Variants in PLEKHG4 observed in about 807,000 individuals in gnomAD.
PLEKHG4 encodes the protein pleckstrin homology and RhoGEF domain containing G4, also known as puratrophin-1.
PLEKHG4 carries 85 observed loss-of-function variants against 136.9 expected under a neutral mutation model. The ratio of observed to expected loss-of-function variants is 0.62; its 90% CI spans 0.52 to 0.74. The LOEUF (loss-of-function observed/expected upper bound fraction) is 0.74, where lower values mean the gene tolerates loss of function less well. Ranked by LOEUF, PLEKHG4 falls within the 30% of genes least tolerant of loss-of-function variation. The pLI, the probability that PLEKHG4 is intolerant of heterozygous loss-of-function variation, is 0.00. For missense variants in PLEKHG4, 1,317 were observed against 1,527.8 expected, an observed-to-expected ratio of 0.86 and a Z score of 2.30; for synonymous variants, 577 against 646.9, an observed-to-expected ratio of 0.89 and a Z score of 1.64.
rs769739372 is a variant in PLEKHG4, at chr16:67,280,700, C to G, written c.500-11C>G. On this transcript the variant is annotated splice_polypyrimidine_tract_variant and intron_variant, in intron 2 of 21. Coordinates refer to ENST00000379344, the MANE Select transcript of PLEKHG4 (RefSeq NM_001129729.3). The surrounding 1 kb of genome is among the most constrained non-coding windows in gnomAD (Gnocchi z 4.4). ...GGTCCAAGGCAGACCCAAGTCATTT[C>G]CCTTCCCAAGCCCCCAGTGGATCCG... 1 of 1,614,080 alleles carries G rather than the reference C, an allele frequency of 6.2e-7. No homozygotes were observed. The highest frequency in any genetic ancestry group is 8.5e-7 in the Non-Finnish European group (1 of 1,180,014).
upstream of PLEKHG4, chr16:67,279,364 G>A (rs2036100520): frequency 6.6e-6 from 1 of 152,104 alleles, no homozygotes; most frequent in Non-Finnish European, 1.5e-5. Flanking sequence ...GCGGCGGGCG[G>A]GGGTTGCTGC....
chr16:67,285,986 G>A (rs1307404487), intron 14 of PLEKHG4, among the ~76,000 whole-genome samples: 1 of 152,210 alleles, frequency 6.6e-6, no homozygotes, highest in African/African-American at 2.4e-5. Context: ...GACAGTCCCA[G>A]GTGAGGTGAG....
At chr16:67,279,421 A>C (rs983179040), upstream of PLEKHG4, 4 of 151,712 alleles carry the variant, frequency 2.6e-5, no homozygotes, top group African/African-American at 9.7e-5. Context: ...TGCCCCGTCG[A>C]GACCTGCTCG....
chr16:67,283,675 C>G (rs955940016), intron 11 of PLEKHG4, among the ~76,000 whole-genome samples: 2 of 151,998 alleles, frequency 1.3e-5, no homozygotes, highest in Non-Finnish European at 2.9e-5. Context: ...GAAGGGCATT[C>G]AAGAGTCCGG....
At position 67,288,271 on chromosome 16, in the gene PLEKHG4, C is replaced by T. The variant is rs781274828; in HGVS notation, c.3325C>T (p.Leu1109=). ...TGGAGACCCTGCCTCTTGCTCTGTTCTGGGGTCCCTCAACCTGCACCTGTA... is the reference window on the plus strand; with the variant it reads ...TGGAGACCCTGCCTCTTGCTCTGTTTTGGGGTCCCTCAACCTGCACCTGTA... The part of the protein sequence containing the change: ...LPGDPASCSV[L]GSLNLHLYRD... The change falls in exon 20 of 22, where the codon CTG becomes TTG. Residue 1109 remains leucine, a synonymous_variant. Transcript: ENST00000379344. 39 of 1,613,426 alleles carry T rather than the reference C, an allele frequency of 2.4e-5. No homozygotes were observed. The highest frequency in any genetic ancestry group is 3.3e-5 in the Non-Finnish European group (39 of 1,179,974).
intron 5 of PLEKHG4, among the ~76,000 whole-genome samples, 159 bp downstream of exon 5, chr16:67,281,343 C>T (rs2036216435): frequency 6.6e-6 from 1 of 151,990 alleles, no homozygotes; most frequent in Admixed American, 6.6e-5. Context: ...CCTGCCTCAG[C>T]CTCCCAATTA....
chr16:67,285,278 C>CAT lies in PLEKHG4; in HGVS notation c.2196-10_2196-9dup, dbSNP rs777897074. On this transcript the variant is annotated splice_polypyrimidine_tract_variant and intron_variant, in intron 13 of 21. Coordinates refer to ENST00000379344, the MANE Select transcript of PLEKHG4 (RefSeq NM_001129729.3). Reference sequence around the variant, plus strand: ...AGAGATGTCTTGGGTCCTGACTCCCCATACCTGGTAGGCTACAGCTGGTGC... The same window carrying CAT: ...AGAGATGTCTTGGGTCCTGACTCCCCATATACCTGGTAGGCTACAGCTGGTGC... 6.2e-7 allele frequency: 1 copy of CAT among 1,613,904 alleles called. No individual in the cohort carries two copies. Among genetic ancestry groups the CAT allele is most frequent in the South Asian group, 1.1e-5 (1 of 91,088 alleles).
Position 67,280,364 on chromosome 16 carries a change from G to A in PLEKHG4, c.320G>A (p.Cys107Tyr), listed in dbSNP as rs2036155418. Residue 107 changes from cysteine to tyrosine, a missense_variant, in exon 2 of 22, where the codon TGC (cysteine) becomes TAC (tyrosine). Transcript: ENST00000379344. This position sits in a 1 kb window ranked among gnomAD's most constrained non-coding sequence, Gnocchi z 4.4. ...PGPSGVESLL[C>Y]PMSSHLSLAQ... The stretch of plus-strand genomic sequence containing the variant: ...CCCTCTGGAGTGGAGAGTCTCCTAT[G>A]CCCCATGTCCTCCCACCTCAGCTTG... 4 of 1,613,154 alleles carry A rather than the reference G, an allele frequency of 2.5e-6. No homozygotes were observed. The highest frequency in any genetic ancestry group is 3.4e-6 in the Non-Finnish European group (4 of 1,179,700).
At position 67,288,784 on chromosome 16, in the gene PLEKHG4, G is replaced by A. The variant is rs371004225; in HGVS notation, c.3571-19G>A. ...CAGAGTCAGGGAAGCAGGCATTCAT[G>A]CCTGGCCTGGCCCTGCAGGTCTGAG... On this transcript the variant is annotated intron_variant, in intron 21 of 21. Transcript: ENST00000379344. 7.4e-6 allele frequency: 12 copies of A among 1,613,694 alleles called. No individual in the cohort carries two copies. The African/African-American group carries it at 1.3e-4, about 18-fold the overall frequency.
At position 67,281,737 on chromosome 16, in the gene PLEKHG4, C is replaced by T; in HGVS notation, c.905C>T (p.Pro302Leu). Residue 302 changes from proline to leucine, a missense_variant, in exon 7 of 22, where the codon CCT (proline) becomes CTT (leucine). Coordinates refer to ENST00000379344, the MANE Select transcript of PLEKHG4 (RefSeq NM_001129729.3). ...CTTCTCCTGTAGCTGGAGCAGTTGC[C>T]TTCTCAGAGCCTGCTGACCCACATC... Reference protein sequence around the residue: ...VPSGLQLEQLPSQSLLTHIPT... With the variant: ...VPSGLQLEQLLSQSLLTHIPT... 1 of 1,614,116 alleles carries T rather than the reference C, an allele frequency of 6.2e-7. No individual in the cohort carries two copies. The highest frequency in any genetic ancestry group is 8.5e-7 in the Non-Finnish European group (1 of 1,180,010).
rs2036631010 is a variant in PLEKHG4, at chr16:67,289,205, C to T, written c.*397C>T. On this transcript the variant is annotated 3_prime_UTR_variant, in exon 22 of 22. Coordinates refer to ENST00000379344, the MANE Select transcript of PLEKHG4 (RefSeq NM_001129729.3). ...CAGGTGGGCTCCTAGCAGCTGATCC[C>T]CAATGCCTGGCCTTAAAGCCGAGCT... 4.5e-6 allele frequency: 2 copies of T among 444,034 alleles called. No individual in the cohort carries two copies. Among genetic ancestry groups the T allele is most frequent in the Non-Finnish European group, 8.2e-6 (2 of 243,066 alleles). The allele number at this position is 444,034 out of a possible 1,614,324, so 27.5% of individuals were successfully genotyped here.
rs1446959552 is a variant in PLEKHG4, at chr16:67,280,442, C to T, written c.398C>T (p.Pro133Leu). Reference protein sequence around the residue: ...PGVGLVGDPGPSRAMPSGLSP... With the variant: ...PGVGLVGDPGLSRAMPSGLSP... ...GTAGGGTTGGTAGGGGACCCAGGTC[C>T]AAGCAGGGCGATGCCATCTGGCTTG... is the stretch of plus-strand genomic sequence containing the variant. The change falls in exon 2 of 22, where the codon CCA becomes CTA. Residue 133 changes from proline to leucine, a missense_variant. Pro to Leu is a moderately conservative substitution (Grantham distance 98, BLOSUM62 -3). Coordinates refer to ENST00000379344, the MANE Select transcript of PLEKHG4 (RefSeq NM_001129729.3). This position sits in a 1 kb window ranked among gnomAD's most constrained non-coding sequence, Gnocchi z 4.4. 1 of 1,599,738 alleles carries T rather than the reference C, an allele frequency of 6.3e-7. No individual in the cohort carries two copies. The highest frequency in any genetic ancestry group is 1.3e-5 in the African/African-American group (1 of 74,512).
In PLEKHG4 at chr16:67,285,123, C is replaced by G. The variant is rs775514326; in HGVS notation, c.2103C>G (p.Ala701=). ...CHCHHAATIA[A]CRRPEAGGGA... ...GCCACCATGCGGCCACTATTGCTGC[C>G]TGCCGCAGACCAGAGGCTGGAGGAG... The change falls in exon 13 of 22, where the codon GCC becomes GCG. Residue 701 remains alanine, a synonymous_variant. Coordinates refer to ENST00000379344, the MANE Select transcript of PLEKHG4 (RefSeq NM_001129729.3). The G allele has an allele frequency of 6.2e-7, 1 of 1,613,448 alleles. No homozygotes were observed. The highest frequency in any genetic ancestry group is 1.1e-5 in the South Asian group (1 of 91,088).
intron 18 of PLEKHG4, 47 bp from the exon 19 acceptor site, chr16:67,287,851 C>A: frequency 8.0e-7 from 1 of 1,249,476 alleles, no homozygotes; most frequent in Non-Finnish European, 1.2e-6. Context: ...GGCCCAAGGA[C>A]AGGCTTATGT....
chr16:67,280,048 G>A lies in PLEKHG4; in HGVS notation c.4G>A (p.Glu2Lys). The change falls in exon 2 of 22, where the codon GAA becomes AAA. Residue 2 changes from glutamate (E) to lysine (K), a missense_variant. Transcript: ENST00000379344. The surrounding 1 kb of genome is among the most constrained non-coding windows in gnomAD (Gnocchi z 4.4). ...GGCCCACCTTTAGGAGGGCGTGATG[G>A]AAAGGCCCCTGGAGAATGGGGATGA... M[E>K]RPLENGDESP... 1 of 1,612,754 alleles carries A rather than the reference G, an allele frequency of 6.2e-7. No homozygotes were observed. Among genetic ancestry groups the A allele is most frequent in the Non-Finnish European group, 8.5e-7 (1 of 1,179,454 alleles).
Position 67,288,253 on chromosome 16 carries a change from C to G in PLEKHG4, c.3307C>G (p.Pro1103Ala), listed in dbSNP as rs200195600. The part of the protein sequence containing the change: ...LGASNSLPGD[P>A]ASCSVLGSLN... ...GGCCTCGAACTCCCTTCCTGGAGACCCTGCCTCTTGCTCTGTTCTGGGGTC... is the reference window on the plus strand; with the variant it reads ...GGCCTCGAACTCCCTTCCTGGAGACGCTGCCTCTTGCTCTGTTCTGGGGTC... The change falls in exon 20 of 22, where the codon CCT becomes GCT. Residue 1103 changes from proline (P) to alanine (A), a missense_variant. By Grantham distance (27) the Pro-to-Ala change is conservative (BLOSUM62 -1). Coordinates refer to ENST00000379344, the MANE Select transcript of PLEKHG4 (RefSeq NM_001129729.3). 3.7e-5 allele frequency: 59 copies of G among 1,613,700 alleles called. No individual in the cohort carries two copies. Among genetic ancestry groups the G allele is most frequent in the Non-Finnish European group, 4.8e-5 (57 of 1,180,014 alleles).
At position 67,280,796 on chromosome 16, in the gene PLEKHG4, C is replaced by A. The variant is rs201497309; in HGVS notation, c.585C>A (p.Ala195=). The change falls in exon 3 of 22, where the codon GCC becomes GCA. Residue 195 remains alanine (A), a synonymous_variant. Transcript: ENST00000379344. The surrounding 1 kb of genome is among the most constrained non-coding windows in gnomAD (Gnocchi z 4.4). ...LCWELLASGM[A]TLPGTRDVQG... is the part of the protein sequence containing the mutation. ...GGGAGCTGCTGGCCAGTGGTATGGC[C>A]ACCTTGCCAGGTAGCCAGGCGGGCC... 1 of 1,614,038 alleles carries A rather than the reference C, an allele frequency of 6.2e-7. No homozygotes were observed. The highest frequency in any genetic ancestry group is 8.5e-7 in the Non-Finnish European group (1 of 1,180,020).
chr16:67,279,593 G>A lies in PLEKHG4; in HGVS notation c.-203G>A, dbSNP rs1409099189. Reference sequence around the variant, plus strand: ...GCCGCCGTCTGTTCGAAGGCTGTCCGACTTCACGGTTCCCCGCGGCTCGGC... The same window carrying A: ...GCCGCCGTCTGTTCGAAGGCTGTCCAACTTCACGGTTCCCCGCGGCTCGGC... On this transcript the variant is annotated 5_prime_UTR_variant, in exon 1 of 22. Coordinates refer to ENST00000379344, the MANE Select transcript of PLEKHG4 (RefSeq NM_001129729.3). 3.9e-5 allele frequency: 6 copies of A among 153,576 alleles called. No individual in the cohort carries two copies. Among genetic ancestry groups the A allele is most frequent in the African/African-American group, 1.4e-4 (6 of 41,432 alleles). The allele number at this position is 153,576 out of a possible 1,614,324, so 9.5% of individuals were successfully genotyped here. A position where few individuals can be genotyped will look rare whatever the true frequency, so the allele number is the denominator to read the frequency against.
rs755404662 is a variant in PLEKHG4 at position 67,281,661 on chromosome 16, G to A, written c.891+17G>A. Reference sequence around the variant, plus strand: ...GGGCTGCAGGTACTAAGCCCAGTTGGCTAGGGGTAGAGGTGGGGTGCCTCC... The same window carrying A: ...GGGCTGCAGGTACTAAGCCCAGTTGACTAGGGGTAGAGGTGGGGTGCCTCC... On this transcript the variant is annotated intron_variant, in intron 6 of 21. Transcript: ENST00000379344. 16 of 1,613,754 alleles carry A rather than the reference G, an allele frequency of 9.9e-6. No individual in the cohort carries two copies. The highest frequency in any genetic ancestry group is 1.7e-5 in the Admixed American group (1 of 60,006).
Sources: gnomAD v4.1 joint callset for allele counts (sites outside exome capture counted in the v4.1 genomes callset) on GRCh38, gnomAD v4.1.1 for gene constraint, Gnocchi (gnomAD v3.1) non-coding constraint, MANE v1.5 for transcripts, NCBI Gene and HGNC (gene_info 2026-07-23, HGNC 2026-07-21) for gene names.